Variants in AKAIN1 observed in about 807,000 individuals in gnomAD.
The protein encoded by AKAIN1 is A-kinase anchor inhibitor 1.
In AKAIN1, 3 loss-of-function variants were observed where a neutral mutation model predicts 3.7. The observed-to-expected ratio is 0.82, with a 90% CI of 0.37 to 2.12. The LOEUF is 2.12. Among genes scored for constraint, AKAIN1 ranks in the 30% most tolerant of loss-of-function variants. The pLI is 0.06. For missense variants in AKAIN1, 82 were observed against 82.7 expected, an observed-to-expected ratio of 0.99 and a Z score of 0.03; for synonymous variants, 31 against 30.8, an observed-to-expected ratio of 1.01 and a Z score of -0.02.
At chr18:5,190,850 G>C (rs924065549) in intron 1 of AKAIN1, among the ~76,000 whole-genome samples, 2 of 151,994 alleles carry the variant, frequency 1.3e-5, no homozygotes, top group African/African-American at 4.8e-5. Flanking sequence ...ATTTATAAGG[G>C]TCCCACCCCC....
intron 1 of AKAIN1, among the ~76,000 whole-genome samples, chr18:5,172,374 T>C (rs1416255255): frequency 6.6e-6 from 1 of 152,156 alleles, no homozygotes; most frequent in African/African-American, 2.4e-5. Flanking sequence ...GATGTGATTA[T>C]TACCCATTGT....
At chr18:5,154,925 A>G (rs1329400630) in intron 1 of AKAIN1, among the ~76,000 whole-genome samples, 1 of 152,190 alleles carries the variant, frequency 6.6e-6, no homozygotes, top group Non-Finnish European at 1.5e-5. Context: ...AGCTGGGACT[A>G]CAGGCGCCCG....
intron 1 of AKAIN1, among the ~76,000 whole-genome samples, chr18:5,156,120 GA>G (rs1411363062): frequency 1.3e-5 from 2 of 152,068 alleles, no homozygotes; most frequent in Non-Finnish European, 2.9e-5. Flanking sequence ...CGTATTACCA[GA>G]ACTCTTAAAT....
chr18:5,163,417 ATG>A (rs1193531356), intron 1 of AKAIN1, among the ~76,000 whole-genome samples: 1 of 152,090 alleles, frequency 6.6e-6, no homozygotes, highest in Non-Finnish European at 1.5e-5. Context: ...ATTATATTGA[ATG>A]TAACAAAGCA....
intron 1 of AKAIN1, among the ~76,000 whole-genome samples, chr18:5,167,178 A>C (rs768334298): frequency 1.3e-5 from 2 of 152,132 alleles, no homozygotes; most frequent in Admixed American, 6.6e-5. Context: ...TAAATATGGC[A>C]GTTCAAGTGA....
intron 1 of AKAIN1, among the ~76,000 whole-genome samples, chr18:5,157,760 G>A (rs775512426): frequency 1.3e-5 from 2 of 152,124 alleles, no homozygotes; most frequent in Non-Finnish European, 2.9e-5. Flanking sequence ...CTGGAGTGCA[G>A]TGGCATGATA....
At chr18:5,149,984 G>T (rs1385613714) in intron 1 of AKAIN1, among the ~76,000 whole-genome samples, 1 of 152,100 alleles carries the variant, frequency 6.6e-6, no homozygotes, top group Non-Finnish European at 1.5e-5. Context: ...TAGCCTCCAG[G>T]CCACTTCTTA....
intron 1 of AKAIN1, among the ~76,000 whole-genome samples, chr18:5,185,278 G>A (rs909315977): frequency 2.6e-5 from 4 of 152,108 alleles, no homozygotes; most frequent in African/African-American, 9.7e-5. Context: ...TTGGGACATA[G>A]GCCCTGGCAA....
At chr18:5,186,353 A>G (rs1452298993) in intron 1 of AKAIN1, among the ~76,000 whole-genome samples, 1 of 152,144 alleles carries the variant, frequency 6.6e-6, no homozygotes. Context: ...AAACTTGAAC[A>G]TGTACTCCTG....
In AKAIN1 at chr18:5,145,682, G is replaced by A; in HGVS notation, c.90C>T (p.Ile30=). Residue 30 remains isoleucine (I), a synonymous_variant, in exon 2 of 2, where the codon ATC becomes ATT. Transcript: ENST00000434239. ...GGGAGACTTGCTGCACAGCTTGCAG[G>A]ATTGCATTCTGCACAATCTGTTTGC... is the stretch of plus-strand genomic sequence containing the variant. ...NASKQIVQNA[I]LQAVQQVSQE... 6.4e-7 allele frequency: 1 copy of A among 1,551,506 alleles called. No homozygotes were observed. The highest frequency in any genetic ancestry group is 8.7e-7 in the Non-Finnish European group (1 of 1,146,814).
chr18:5,145,851 A>G, intron 1 of AKAIN1, 96 bp from the exon 2 acceptor site: 1 of 1,039,910 alleles, frequency 9.6e-7, no homozygotes, highest in Non-Finnish European at 1.4e-6. Flanking sequence ...GGGAAGAGTG[A>G]GACTGTAAGA....
chr18:5,194,108 C>A (rs529446344), intron 1 of AKAIN1, among the ~76,000 whole-genome samples: 1 of 152,232 alleles, frequency 6.6e-6, no homozygotes, highest in Non-Finnish European at 1.5e-5. Context: ...GGTACTTACA[C>A]AGAAATTAAT....
intron 1 of AKAIN1, among the ~76,000 whole-genome samples, chr18:5,191,460 C>T (rs1033642664): frequency 6.6e-6 from 1 of 152,060 alleles, no homozygotes; most frequent in African/African-American, 2.4e-5. Flanking sequence ...GATCTGTATG[C>T]TGAAAGCTAC....
chr18:5,154,958 T>G (rs1163000114), intron 1 of AKAIN1, among the ~76,000 whole-genome samples: 1 of 152,156 alleles, frequency 6.6e-6, no homozygotes, highest in African/African-American at 2.4e-5. Context: ...GCTAATTTTT[T>G]GTATTTTTTG....
At chr18:5,170,924 C>T (rs1369509932) in intron 1 of AKAIN1, 1 of 152,126 alleles carries the variant, frequency 6.6e-6, no homozygotes, top group African/African-American at 2.4e-5. Flanking sequence ...AAGATCTTGG[C>T]TGGTTGAACA....
intron 1 of AKAIN1, among the ~76,000 whole-genome samples, chr18:5,158,943 C>T (rs1048115583): frequency 6.6e-5 from 10 of 152,236 alleles, no homozygotes; most frequent in South Asian, 2.1e-4. Flanking sequence ...AATGAGAATA[C>T]GAGTCAACAC....
chr18:5,175,870 G>A (rs868735956), intron 1 of AKAIN1, among the ~76,000 whole-genome samples: 1 of 151,998 alleles, frequency 6.6e-6, no homozygotes, highest in Admixed American at 6.6e-5. Context: ...CATGATATGA[G>A]GAGACAGAGA....
At chr18:5,170,909 C>T (rs575234384) in intron 1 of AKAIN1, 1 of 152,172 alleles carries the variant, frequency 6.6e-6, no homozygotes, top group Non-Finnish European at 1.5e-5. Flanking sequence ...CAACAGAACC[C>T]AGCTAAGATC....
At chr18:5,163,182 GTCCC>G (rs202045428) in intron 1 of AKAIN1, among the ~76,000 whole-genome samples, 1,756 of 152,140 alleles carry the variant, frequency 0.012, 31 homozygotes, top group African/African-American at 0.037. Context: ...CAACGAAGCA[GTCCC>G]AAAGTGCAAG....
Sources: gnomAD v4.1 joint callset for allele counts (sites outside exome capture counted in the v4.1 genomes callset) on GRCh38, gnomAD v4.1.1 for gene constraint, MANE v1.5 for transcripts, NCBI Gene and HGNC (gene_info 2026-07-23, HGNC 2026-07-21) for gene names.